The following COTL1 variants were observed in gnomAD, a reference collection of about 807,000 sequenced individuals.
COTL1 encodes the protein coactosin like F-actin binding protein 1, also known as coactosin-like protein.
COTL1 carries 15 observed loss-of-function variants against 16.5 expected under a neutral mutation model. The observed-to-expected ratio is 0.91, with a 90% CI of 0.61 to 1.40. The LOEUF (loss-of-function observed/expected upper bound fraction) is 1.40, where lower values mean the gene tolerates loss of function less well. Among genes scored for constraint, COTL1 ranks in the 40% most tolerant of loss-of-function variants. The pLI is 0.00. For synonymous variants in COTL1, 112 were observed against 85.3 expected (o/e 1.31, Z -1.73); for missense variants, 220 against 201.5 (o/e 1.09, Z -0.56).
intron 2 of COTL1, among the ~76,000 whole-genome samples, chr16:84,617,134 G>A (rs1905507302): frequency 6.6e-6 from 1 of 151,838 alleles, no homozygotes; most frequent in Non-Finnish European, 1.5e-5. Context: ...CCCCTAGCCT[G>A]TTCGTATTTG....
intron 2 of COTL1, among the ~76,000 whole-genome samples, chr16:84,600,580 C>G (rs1465584254): frequency 6.6e-6 from 1 of 152,148 alleles, no homozygotes; most frequent in Non-Finnish European, 1.5e-5. Context: ...CCCAAAGAGC[C>G]AGGATTACAG....
rs247861 is a variant in COTL1, at chr16:84,566,415, T to C, written c.*430A>G. 134,846 of 156,228 alleles carry C rather than the reference T, an allele frequency of 0.86. 58,674 individuals are homozygous for C. The highest frequency in any genetic ancestry group is 0.89 in the South Asian group (4,869 of 5,452). The allele number at this position is 156,228 out of a possible 1,614,324, so 9.7% of individuals were successfully genotyped here. On this transcript the variant is annotated 3_prime_UTR_variant, in exon 4 of 4. Transcript: ENST00000262428. ...CCTCAGTGGTACACAGGAAGCAGGG[T>C]CCAGGAAAACTGAGATGGCAAAATA...
At chr16:84,578,677 A>G (rs527992943) in intron 3 of COTL1, among the ~76,000 whole-genome samples, 4 of 139,560 alleles carry the variant, frequency 2.9e-5, no homozygotes, top group East Asian at 1.9e-4. Flanking sequence ...ACAAGTGTGC[A>G]CACACACACA....
chr16:84,587,287 G>A (rs796151936), intron 3 of COTL1, among the ~76,000 whole-genome samples: 14 of 152,252 alleles, frequency 9.2e-5, no homozygotes, highest in African/African-American at 3.4e-4. Context: ...GCATTTCCTC[G>A]GTCCCAGGCA....
intron 2 of COTL1, among the ~76,000 whole-genome samples, chr16:84,602,493 A>G (rs1248888350): frequency 2.6e-5 from 4 of 152,172 alleles, no homozygotes; most frequent in Non-Finnish European, 5.9e-5. Flanking sequence ...GAATGAATAG[A>G]CAGGCAGGAA....
chr16:84,606,764 C>T (rs528658692), intron 2 of COTL1, among the ~76,000 whole-genome samples: 1 of 152,198 alleles, frequency 6.6e-6, no homozygotes, highest in Non-Finnish European at 1.5e-5. Flanking sequence ...TCGGTGGCTA[C>T]GTGCCCCCGC....
intron 3 of COTL1, among the ~76,000 whole-genome samples, chr16:84,585,209 C>G (rs535965168): frequency 1.3e-5 from 2 of 152,164 alleles, no homozygotes; most frequent in African/African-American, 4.8e-5. Flanking sequence ...CTAAAATTAG[C>G]TGGGTGTGGT....
chr16:84,581,978 C>CTTTTTTTTTTTTTTTTTTTTTTTTT (rs11332563), intron 3 of COTL1, among the ~76,000 whole-genome samples: 1 of 66,036 alleles, frequency 1.5e-5, no homozygotes, highest in Non-Finnish European at 3.2e-5. Flanking sequence ...TACATTTCTT[C>CTTTTTTTTTTTTTTTTTTTTTTTTT]TTTTTTTTTT....
chr16:84,582,012 G>T (rs1276010605), intron 3 of COTL1, among the ~76,000 whole-genome samples: 9 of 112,904 alleles, frequency 8.0e-5, no homozygotes, highest in Non-Finnish European at 1.5e-4. Context: ...TTGAGATGGA[G>T]TCTTGCTCTG....
At chr16:84,592,886 G>A (rs1904905930) in intron 2 of COTL1, among the ~76,000 whole-genome samples, 1 of 152,232 alleles carries the variant, frequency 6.6e-6, no homozygotes, top group Non-Finnish European at 1.5e-5. Flanking sequence ...ATGAATGCGT[G>A]ATCCTAGCTG....
At position 84,617,582 on chromosome 16, in the gene COTL1, C is replaced by T; in HGVS notation, c.79G>A (p.Val27Met). ...VRDDGSAVIW[V>M]TFKYDGSTIV... ...GTGGAGCCGTCATATTTAAAAGTCA[C>T]CCTTTGGGTTGGGAGAAGAAAAAAA... The change falls in exon 2 of 4, where the codon GTG (valine) becomes ATG (methionine). Residue 27 changes from valine to methionine, a missense_variant and splice_region_variant. Physicochemically the swap from Val to Met is conservative, Grantham distance 21. Transcript: ENST00000262428. 6.4e-7 allele frequency: 1 copy of T among 1,554,642 alleles called. No homozygotes were observed. Among genetic ancestry groups the T allele is most frequent in the Middle Eastern group, 1.7e-4 (1 of 5,982 alleles).
At chr16:84,570,954 C>CTT (rs59583914) in intron 3 of COTL1, among the ~76,000 whole-genome samples, 35 of 147,722 alleles carry the variant, frequency 2.4e-4, no homozygotes, top group South Asian at 4.3e-4. Flanking sequence ...CTCATTCCTG[C>CTT]TTTTTTTTTT....
chr16:84,570,146 C>G (rs189607120), intron 3 of COTL1, among the ~76,000 whole-genome samples: 6 of 152,142 alleles, frequency 3.9e-5, no homozygotes, highest in East Asian at 1.9e-4. Context: ...TGTAGTGGCG[C>G]GAGCCTGTAA....
intron 3 of COTL1, among the ~76,000 whole-genome samples, chr16:84,587,246 T>C (rs1212891913): frequency 6.6e-6 from 1 of 152,222 alleles, no homozygotes; most frequent in Non-Finnish European, 1.5e-5. Flanking sequence ...CCAGGAACGC[T>C]GACTACATGT....
At chr16:84,568,286 C>G (rs997074358) in intron 3 of COTL1, 1 of 152,254 alleles carries the variant, frequency 6.6e-6, no homozygotes, top group Non-Finnish European at 1.5e-5. Flanking sequence ...GCGTGAGCCA[C>G]CACGCCCGGC....
intron 3 of COTL1, among the ~76,000 whole-genome samples, chr16:84,578,819 A>G (rs1179865480): frequency 2.0e-5 from 3 of 152,072 alleles, no homozygotes; most frequent in Admixed American, 2.0e-4. Context: ...ACACAAACGT[A>G]TACACACACA....
intron 2 of COTL1, among the ~76,000 whole-genome samples, chr16:84,603,716 A>C (rs2150693758): frequency 6.6e-6 from 1 of 152,166 alleles, no homozygotes; most frequent in South Asian, 2.1e-4. Context: ...TGCTCAGGGA[A>C]AAGGGCTGCT....
At chr16:84,598,343 A>T (rs566886567) in intron 2 of COTL1, among the ~76,000 whole-genome samples, 1 of 152,292 alleles carries the variant, frequency 6.6e-6, no homozygotes, top group Admixed American at 6.5e-5. Flanking sequence ...GGGACCTAGA[A>T]GCCCCAGGCA....
intron 2 of COTL1, among the ~76,000 whole-genome samples, chr16:84,605,265 G>A (rs907709927): frequency 2.6e-5 from 4 of 152,208 alleles, no homozygotes; most frequent in Admixed American, 6.5e-5. Context: ...AGGAGTGGGG[G>A]CGAGAAGCAC....
Sources: allele counts gnomAD v4.1 joint callset (sites outside exome capture counted in the v4.1 genomes callset), GRCh38; gene constraint gnomAD v4.1.1; transcripts MANE v1.5; gene names NCBI Gene and HGNC (gene_info 2026-07-23, HGNC 2026-07-21).